The following RBFOX1 variants were observed in gnomAD, a reference collection of about 807,000 sequenced individuals.
RBFOX1 encodes RNA binding protein fox-1 homolog 1.
A neutral mutation model predicts 57.7 loss-of-function variants in RBFOX1; 8 were observed. The ratio of observed to expected loss-of-function variants is 0.14; its 90% CI spans 0.08 to 0.25. RBFOX1 has a LOEUF of 0.25. Ranked by LOEUF, RBFOX1 falls within the 10% of genes least tolerant of loss-of-function variation. The pLI is 1.00. For missense variants in RBFOX1, 611 were observed against 548.5 expected (o/e 1.11, Z -1.14); for synonymous variants, 326 against 222.4 (o/e 1.47, Z -4.15).
intron 3 of RBFOX1, among the ~76,000 whole-genome samples, chr16:5,652,599 G>C (rs1386541950): frequency 1.3e-5 from 2 of 152,120 alleles, no homozygotes; most frequent in Non-Finnish European, 1.5e-5. Flanking sequence ...GTCTTTGCAC[G>C]TCCTCCTCTC....
intron 3 of RBFOX1, among the ~76,000 whole-genome samples, chr16:6,826,198 G>A (rs1165893951): frequency 6.6e-6 from 1 of 152,074 alleles, no homozygotes; most frequent in Non-Finnish European, 1.5e-5. Flanking sequence ...TGTATGTATT[G>A]AGTCAGTCGA....
intron 3 of RBFOX1, among the ~76,000 whole-genome samples, chr16:6,822,271 C>T (rs7359405): frequency 2.0e-5 from 3 of 152,166 alleles, no homozygotes; most frequent in African/African-American, 7.2e-5. Flanking sequence ...GTCCCACTTT[C>T]TGCCTTTTCC....
At chr16:6,923,803 CCTT>C (rs1482838088) in intron 3 of RBFOX1, among the ~76,000 whole-genome samples, 2 of 152,132 alleles carry the variant, frequency 1.3e-5, no homozygotes, top group African/African-American at 4.8e-5. Context: ...GGATTTGCCA[CCTT>C]CTAGCCATGA....
chr16:6,242,307 A>G (rs969598673), intron 1 of RBFOX1, among the ~76,000 whole-genome samples: 2 of 152,158 alleles, frequency 1.3e-5, no homozygotes, highest in African/African-American at 2.4e-5. Flanking sequence ...TCAAATATCT[A>G]TCATGATCTT....
At chr16:6,582,247 A>G (rs189311376) in intron 2 of RBFOX1, among the ~76,000 whole-genome samples, 1 of 152,234 alleles carries the variant, frequency 6.6e-6, no homozygotes, top group African/African-American at 2.4e-5. Flanking sequence ...TTAATAGCTC[A>G]TTGAATTTAT....
intron 3 of RBFOX1, among the ~76,000 whole-genome samples, chr16:6,991,377 T>C (rs1402224712): frequency 5.9e-5 from 9 of 152,252 alleles, no homozygotes; most frequent in Admixed American, 5.2e-4. Flanking sequence ...ACAGGATGCC[T>C]GGGAGACATT....
chr16:6,801,706 C>T (rs149763478), intron 3 of RBFOX1, among the ~76,000 whole-genome samples: 12 of 152,128 alleles, frequency 7.9e-5, no homozygotes, highest in Non-Finnish European at 1.8e-4. Flanking sequence ...TAATGAGGTG[C>T]AGATGAACTG....
chr16:7,418,553 C>T (rs1311695797), intron 4 of RBFOX1, among the ~76,000 whole-genome samples: 5 of 152,198 alleles, frequency 3.3e-5, no homozygotes, highest in African/African-American at 1.2e-4. Context: ...AAGTCTCTAC[C>T]TGTAAATAGT....
intron 1 of RBFOX1, among the ~76,000 whole-genome samples, chr16:6,292,583 A>C (rs1178224299): frequency 6.8e-6 from 1 of 146,940 alleles, no homozygotes; most frequent in East Asian, 1.9e-4. Flanking sequence ...AAAGGAAAAC[A>C]ACAAAATGGT....
chr16:5,689,443 C>T lies in RBFOX1; in HGVS notation c.318+90482C>T, dbSNP rs114978496. ...AATTTGGTGATGAGGGTGGGGAAAG[C>T]GGAGGATAGGACTAGTTGCCTGCTC... On this transcript the variant is annotated intron_variant, in intron 3 of 19. Transcript: ENST00000641259. 6.2e-4 allele frequency among the ~76,000 whole-genome samples: 95 copies of T among 152,114 alleles called. 1 individual carries two copies. Among genetic ancestry groups the T allele is most frequent in the Non-Finnish European group, 1.0e-3 (68 of 67,990 alleles).
chr16:6,142,651 T>C (rs755448287), intron 1 of RBFOX1, among the ~76,000 whole-genome samples: 4 of 152,188 alleles, frequency 2.6e-5, no homozygotes, highest in Non-Finnish European at 4.4e-5. Context: ...TGAGTACTGA[T>C]TGGTTGAATG....
At chr16:7,179,750 T>C (rs1368272787) in intron 4 of RBFOX1, among the ~76,000 whole-genome samples, 1 of 152,104 alleles carries the variant, frequency 6.6e-6, no homozygotes, top group Non-Finnish European at 1.5e-5. Context: ...TTTCTTTTTG[T>C]TTGAGATGGA....
chr16:7,128,981 C>G (rs1314629558), intron 4 of RBFOX1, among the ~76,000 whole-genome samples: 1 of 151,866 alleles, frequency 6.6e-6, no homozygotes, highest in African/African-American at 2.4e-5. Flanking sequence ...ACACCACGCC[C>G]AGTTAATTTT....
chr16:6,546,280 G>A (rs993350296), intron 2 of RBFOX1, among the ~76,000 whole-genome samples: 9 of 152,138 alleles, frequency 5.9e-5, no homozygotes, highest in African/African-American at 1.9e-4. Context: ...TGTCCCAAGT[G>A]CATTGTAAGC....
At chr16:6,672,828 C>T (rs924860308) in intron 3 of RBFOX1, among the ~76,000 whole-genome samples, 2 of 152,154 alleles carry the variant, frequency 1.3e-5, no homozygotes, top group Non-Finnish European at 2.9e-5. Context: ...CTAACTTAAG[C>T]CCATTTCTTA....
chr16:7,471,707 C>G (rs117372416), intron 4 of RBFOX1, among the ~76,000 whole-genome samples: 3,249 of 152,202 alleles, frequency 0.021, 55 homozygotes, highest in Middle Eastern at 0.048. Flanking sequence ...GAAATTCTGT[C>G]CATTTTCTTG....
chr16:5,915,193 G>A (rs946663483), intron 4 of RBFOX1, among the ~76,000 whole-genome samples: 1 of 152,192 alleles, frequency 6.6e-6, no homozygotes, highest in Non-Finnish European at 1.5e-5. Flanking sequence ...GGAGCATCTT[G>A]TTACATCCTC....
chr16:5,817,971 T>C (rs1486741376), intron 3 of RBFOX1, among the ~76,000 whole-genome samples: 1 of 151,916 alleles, frequency 6.6e-6, no homozygotes, highest in East Asian at 1.9e-4. Context: ...ATTACGGGCG[T>C]GAGCCACCGC....
At chr16:6,418,606 C>T (rs1442935158) in intron 2 of RBFOX1, among the ~76,000 whole-genome samples, 1 of 149,030 alleles carries the variant, frequency 6.7e-6, no homozygotes, top group African/African-American at 2.5e-5. Context: ...TCATTGCAGC[C>T]TCTAACTCCT....
Sources: allele counts gnomAD v4.1 joint callset (sites outside exome capture counted in the v4.1 genomes callset), GRCh38; gene constraint gnomAD v4.1.1; transcripts MANE v1.5; gene names NCBI Gene and HGNC (gene_info 2026-07-23, HGNC 2026-07-21).